INSC: variants seen among roughly 807,000 people sequenced by gnomAD.
INSC encodes protein inscuteable homolog.
A neutral mutation model predicts 58.6 loss-of-function variants in INSC; 67 were observed. That is an observed-to-expected ratio of 1.14 (90% CI 0.94 to 1.40). INSC has a LOEUF of 1.40. Ranked by LOEUF, INSC falls within the 40% of genes most tolerant of loss-of-function variation. INSC has a pLI of 0.00. For missense variants in INSC, 714 were observed against 692.0 expected (o/e 1.03, Z -0.36); for synonymous variants, 262 against 276.1 (o/e 0.95, Z 0.51).
At chr11:15,236,531 C>T (rs1030945734) in intron 10 of INSC, among the ~76,000 whole-genome samples, 6 of 152,212 alleles carry the variant, frequency 3.9e-5, no homozygotes, top group Non-Finnish European at 8.8e-5. Flanking sequence ...CTCCCACTTG[C>T]TCCCTTGTTC....
chr11:15,190,291 A>G (rs1189689400), intron 5 of INSC, among the ~76,000 whole-genome samples: 1 of 152,226 alleles, frequency 6.6e-6, no homozygotes, highest in Non-Finnish European at 1.5e-5. Context: ...CAAAATGAGC[A>G]GATTCTTTGG....
At chr11:15,113,145 C>CTTTCTTTCTTTCTTTCTTTTTCTT (rs200716197), upstream of INSC, among the ~76,000 whole-genome samples, 3 of 133,514 alleles carry the variant, frequency 2.2e-5, no homozygotes, top group Non-Finnish European at 4.9e-5. Flanking sequence ...TTCTTTCTTT[C>CTTTCTTTCTTTCTTTCTTTTTCTT]TGTCTCTCTC....
At chr11:15,228,102 G>C (rs1371359982) in intron 9 of INSC, among the ~76,000 whole-genome samples, 1 of 152,204 alleles carries the variant, frequency 6.6e-6, no homozygotes, top group East Asian at 1.9e-4. Flanking sequence ...TCTTGGTACA[G>C]ACTCTGGCAC....
At chr11:15,146,255 C>A (rs1243956068) in intron 1 of INSC, among the ~76,000 whole-genome samples, 1 of 152,198 alleles carries the variant, frequency 6.6e-6, no homozygotes, top group Non-Finnish European at 1.5e-5. Context: ...AGCTGTGATT[C>A]CTCTGAGAGG....
At position 15,226,578 on chromosome 11, in the gene INSC, C is replaced by G. The variant is rs1851648261; in HGVS notation, c.1170+750C>G. Among the ~76,000 whole-genome samples the G allele has an allele frequency of 2.6e-5, 4 of 152,226 alleles. No homozygotes were observed. The South Asian group carries it at 8.3e-4, about 32-fold the overall frequency. ...GATTAGGTGGTCTCTGTAAATTCTT[C>G]CCAGTACCTGAGCTCTAAGTTACAT... On this transcript the variant is annotated intron_variant, in intron 9 of 12. Transcript: ENST00000379556.
At chr11:15,125,809 C>T (rs965656300) in intron 1 of INSC, among the ~76,000 whole-genome samples, 3 of 152,230 alleles carry the variant, frequency 2.0e-5, no homozygotes, top group South Asian at 2.1e-4. Context: ...AGCTACAAAA[C>T]GAAGCAAGTC....
upstream of INSC, among the ~76,000 whole-genome samples, chr11:15,114,633 G>T (rs868103651): frequency 2.0e-5 from 3 of 152,168 alleles, no homozygotes; most frequent in South Asian, 6.2e-4. Flanking sequence ...CGCCTGGCCC[G>T]GGGGAGCCCG....
At chr11:15,131,137 T>C (rs1848116449) in intron 1 of INSC, among the ~76,000 whole-genome samples, 1 of 152,098 alleles carries the variant, frequency 6.6e-6, no homozygotes. Flanking sequence ...CTTTGAATTT[T>C]CAGATTTTTT....
intron 2 of INSC, among the ~76,000 whole-genome samples, chr11:15,168,303 T>C (rs989274349): frequency 6.6e-6 from 1 of 152,000 alleles, no homozygotes; most frequent in African/African-American, 2.4e-5. Context: ...GTGTGTATTG[T>C]TTCCCTCTCT....
At chr11:15,111,708 C>T (rs1847579140), upstream of INSC, among the ~76,000 whole-genome samples, 1 of 152,208 alleles carries the variant, frequency 6.6e-6, no homozygotes, top group Admixed American at 6.5e-5. Flanking sequence ...ATTTAAACCA[C>T]CTGGCCTCCC....
At chr11:15,244,291 A>G (rs532153735) in intron 12 of INSC, among the ~76,000 whole-genome samples, 5 of 152,202 alleles carry the variant, frequency 3.3e-5, no homozygotes, top group South Asian at 2.1e-4. Flanking sequence ...GCCCCATGAG[A>G]GTCGAGATGT....
intron 5 of INSC, among the ~76,000 whole-genome samples, chr11:15,186,642 A>T (rs892120391): frequency 2.0e-5 from 3 of 152,272 alleles, no homozygotes; most frequent in Middle Eastern, 3.4e-3. Flanking sequence ...CTAAACCTAG[A>T]TATAATTATT....
rs147404609 is a variant in INSC at position 15,197,916 on chromosome 11, G to A, written c.694-2908G>A. On this transcript the variant is annotated intron_variant, in intron 6 of 12. Coordinates refer to ENST00000379556, the MANE Select transcript of INSC (RefSeq NM_001042536.3). ...TATGTGGCTGGGCTCTGAGCCCGGAGCTTTCTATAAAATTAAACAAGCTTC... is the reference window on the plus strand; with the variant it reads ...TATGTGGCTGGGCTCTGAGCCCGGAACTTTCTATAAAATTAAACAAGCTTC... Among the ~76,000 whole-genome samples, 72 of 152,324 alleles carry A rather than the reference G, an allele frequency of 4.7e-4. 1 individual carries two copies. In the East Asian group the frequency reaches 8.9e-3, roughly 19 times the overall value.
chr11:15,241,649 A>C (rs955414469), intron 12 of INSC: 2 of 702,940 alleles, frequency 2.8e-6, no homozygotes, highest in Admixed American at 2.0e-5. Context: ...ATTCAAGGTA[A>C]TCTTAATCTT....
downstream of INSC, among the ~76,000 whole-genome samples, chr11:15,251,639 A>G (rs1245059420): frequency 6.6e-6 from 1 of 152,204 alleles, no homozygotes; most frequent in Admixed American, 6.5e-5. Context: ...GTAAAAAGGT[A>G]TGTAAAAGAT....
At chr11:15,126,274 A>G (rs577801050) in intron 1 of INSC, among the ~76,000 whole-genome samples, 1 of 152,322 alleles carries the variant, frequency 6.6e-6, no homozygotes, top group East Asian at 1.9e-4. Context: ...TGCTGAGGCT[A>G]GGAGTACTTC....
intron 7 of INSC, among the ~76,000 whole-genome samples, chr11:15,210,687 T>C (rs1026030994): frequency 7.2e-5 from 11 of 151,982 alleles, no homozygotes; most frequent in African/African-American, 2.7e-4. Flanking sequence ...AGGGAGGCCG[T>C]GCTCACAGGG....
chr11:15,170,557 A>T (rs60204883), intron 2 of INSC, among the ~76,000 whole-genome samples: 3,744 of 152,272 alleles, frequency 0.025, 146 homozygotes, highest in African/African-American at 0.084. Flanking sequence ...TTTCAGGGGT[A>T]CATGCTAGCA....
intron 1 of INSC, among the ~76,000 whole-genome samples, chr11:15,142,858 C>T (rs1848404644): frequency 6.6e-6 from 1 of 151,738 alleles, no homozygotes; most frequent in Non-Finnish European, 1.5e-5. Context: ...CGTACATGTG[C>T]ACAAAGGTTT....
Sources: gnomAD v4.1 joint callset for allele counts (sites outside exome capture counted in the v4.1 genomes callset) on GRCh38, gnomAD v4.1.1 for gene constraint, MANE v1.5 for transcripts, NCBI Gene and HGNC (gene_info 2026-07-23, HGNC 2026-07-21) for gene names.